INPP4B: variants seen among roughly 807,000 people sequenced by gnomAD.
The protein encoded by INPP4B is inositol polyphosphate 4-phosphatase type II.
INPP4B carries 55 observed loss-of-function variants against 122.5 expected under a neutral mutation model. The observed-to-expected ratio is 0.45, with a 90% CI of 0.36 to 0.56. INPP4B has a LOEUF of 0.56. INPP4B is among the 20% of genes least tolerant of loss of function. The pLI is 0.00. For synonymous variants in INPP4B, 403 were observed against 388.7 expected (o/e 1.04, Z -0.43); for missense variants, 1,000 against 1,097.7 (o/e 0.91, Z 1.26).
At chr4:142,281,314 A>C (rs1016536259) in intron 9 of INPP4B, among the ~76,000 whole-genome samples, 1 of 151,208 alleles carries the variant, frequency 6.6e-6, no homozygotes, top group Non-Finnish European at 1.5e-5. Context: ...GCCAGGTGAA[A>C]ACAGTCTGGA....
At chr4:142,516,800 T>C (rs1229286527) in intron 2 of INPP4B, among the ~76,000 whole-genome samples, 1 of 151,914 alleles carries the variant, frequency 6.6e-6, no homozygotes, top group African/African-American at 2.4e-5. Context: ...TACTACTGGT[T>C]GGCTGCATCC....
At chr4:142,487,714 A>G (rs751476339) in intron 2 of INPP4B, among the ~76,000 whole-genome samples, 3 of 152,156 alleles carry the variant, frequency 2.0e-5, no homozygotes, top group Non-Finnish European at 4.4e-5. Flanking sequence ...CAATTAATCT[A>G]AAATTTATTT....
chr4:142,190,205 T>TA (rs1450875016), intron 15 of INPP4B, among the ~76,000 whole-genome samples: 2 of 24,204 alleles, frequency 8.3e-5, no homozygotes, highest in Admixed American at 4.7e-4. Context: ...TTGTTTATTT[T>TA]TGTTTTTTTT....
intron 1 of INPP4B, among the ~76,000 whole-genome samples, chr4:142,738,353 A>T (rs1277423751): frequency 6.6e-6 from 1 of 152,100 alleles, no homozygotes; most frequent in Admixed American, 6.6e-5. Context: ...GCAAACTATC[A>T]AAAGGACAAA....
chr4:142,448,012 A>T lies in INPP4B; in HGVS notation c.-127+14651T>A, dbSNP rs567022992. 1.3e-4 allele frequency among the ~76,000 whole-genome samples: 20 copies of T among 152,300 alleles called. No individual in the cohort carries two copies. In the South Asian group the frequency reaches 4.1e-3, roughly 32 times the overall value. On this transcript the variant is annotated intron_variant, in intron 3 of 25. Transcript: ENST00000262992. Reference sequence around the variant, plus strand: ...TATGTTATATTTTAAAAGTGAGATGATTGGGAGAAGATAGTCATGGCCAAC... The same window carrying T: ...TATGTTATATTTTAAAAGTGAGATGTTTGGGAGAAGATAGTCATGGCCAAC...
intron 1 of INPP4B, among the ~76,000 whole-genome samples, chr4:142,824,314 A>ATCTATC (rs151098085): frequency 2.9e-4 from 44 of 150,738 alleles, no homozygotes; most frequent in East Asian, 2.3e-3. Context: ...CTGTCTATCT[A>ATCTATC]TCTATCTCTA....
At chr4:142,693,261 G>A (rs916385544) in intron 2 of INPP4B, among the ~76,000 whole-genome samples, 1 of 151,860 alleles carries the variant, frequency 6.6e-6, no homozygotes, top group Non-Finnish European at 1.5e-5. Context: ...AATGGCTGAT[G>A]GCAGTTGCTT....
intron 2 of INPP4B, among the ~76,000 whole-genome samples, chr4:142,674,899 A>G (rs1418276511): frequency 6.6e-6 from 1 of 152,196 alleles, no homozygotes; most frequent in Non-Finnish European, 1.5e-5. Context: ...CCCACAAGAG[A>G]AAGCAGGAAA....
intron 1 of INPP4B, among the ~76,000 whole-genome samples, chr4:142,832,766 C>G (rs1033072521): frequency 3.3e-5 from 5 of 151,746 alleles, no homozygotes; most frequent in Non-Finnish European, 7.4e-5. Flanking sequence ...ACTCCCCCCC[C>G]GCATTGTCTT....
chr4:142,556,270 T>A (rs937553406), intron 2 of INPP4B, among the ~76,000 whole-genome samples: 2 of 152,166 alleles, frequency 1.3e-5, no homozygotes, highest in Non-Finnish European at 2.9e-5. Flanking sequence ...TTGGTGCAAG[T>A]ACACTGTGTT....
intron 2 of INPP4B, among the ~76,000 whole-genome samples, chr4:142,636,253 C>G (rs369546740): frequency 7.9e-5 from 12 of 152,114 alleles, no homozygotes; most frequent in African/African-American, 2.7e-4. Context: ...TTATAAATTA[C>G]CAAGTCTCGG....
chr4:142,062,770 C>CAAAA (rs1761687834), intron 25 of INPP4B, among the ~76,000 whole-genome samples: 1 of 141,608 alleles, frequency 7.1e-6, no homozygotes, highest in Non-Finnish European at 1.5e-5. Flanking sequence ...AACAAACAAA[C>CAAAA]AAACAGACAA....
chr4:142,775,176 C>G (rs1456627410), intron 1 of INPP4B, among the ~76,000 whole-genome samples: 3 of 152,024 alleles, frequency 2.0e-5, no homozygotes, highest in Non-Finnish European at 2.9e-5. Context: ...TGATTTATCA[C>G]TGTTGATGGT....
chr4:142,239,432 G>A (rs1167657017), intron 11 of INPP4B, among the ~76,000 whole-genome samples: 2 of 152,142 alleles, frequency 1.3e-5, no homozygotes, highest in East Asian at 3.9e-4. Context: ...TGCTCCCAAA[G>A]ATTATCTTTT....
intron 7 of INPP4B, among the ~76,000 whole-genome samples, chr4:142,317,000 T>C (rs779529255): frequency 6.6e-6 from 1 of 152,174 alleles, no homozygotes; most frequent in Non-Finnish European, 1.5e-5. Context: ...ATGCAATAAG[T>C]GCTATAATAG....
chr4:142,539,917 A>G (rs1270254679), intron 2 of INPP4B, among the ~76,000 whole-genome samples: 1 of 152,056 alleles, frequency 6.6e-6, no homozygotes. Context: ...GAACAATTGC[A>G]GGAGGAAACT....
chr4:142,267,555 G>A (rs1187724554), intron 10 of INPP4B, among the ~76,000 whole-genome samples: 1 of 152,110 alleles, frequency 6.6e-6, no homozygotes, highest in East Asian at 1.9e-4. Context: ...CCATGCTCAT[G>A]CACAAAAATC....
At chr4:142,729,289 G>A (rs989146777) in intron 1 of INPP4B, among the ~76,000 whole-genome samples, 2 of 152,130 alleles carry the variant, frequency 1.3e-5, no homozygotes, top group South Asian at 2.1e-4. Context: ...TGGGGGTTGG[G>A]GATCCCTGCT....
intron 12 of INPP4B, among the ~76,000 whole-genome samples, chr4:142,235,897 ATCTTT>A (rs1421424929): frequency 1.3e-5 from 2 of 152,210 alleles, no homozygotes; most frequent in East Asian, 1.9e-4. Flanking sequence ...TCAAAAATTC[ATCTTT>A]TCTTTGTGTG....
Sources: allele counts gnomAD v4.1 joint callset (sites outside exome capture counted in the v4.1 genomes callset), GRCh38; gene constraint gnomAD v4.1.1; transcripts MANE v1.5; gene names NCBI Gene and HGNC (gene_info 2026-07-23, HGNC 2026-07-21).